MYH11: variants seen among roughly 807,000 people sequenced by gnomAD.
MYH11 encodes myosin heavy chain 11, also known as myosin-11.
MYH11 carries 80 observed loss-of-function variants against 246.6 expected under a neutral mutation model. The observed-to-expected ratio is 0.32, with a 90% CI of 0.27 to 0.39. MYH11 has a LOEUF of 0.39. Among genes scored for constraint, MYH11 ranks in the 10% least tolerant of loss-of-function variants. The pLI is 1.00. For synonymous variants in MYH11, 1,071 were observed against 1,015.5 expected (o/e 1.05, Z -1.04); for missense variants, 2,158 against 2,546.8 (o/e 0.85, Z 3.29).
chr16:15,796,239 A>G (rs1366796239), intron 4 of MYH11, among the ~76,000 whole-genome samples: 1 of 152,196 alleles, frequency 6.6e-6, no homozygotes, highest in African/African-American at 2.4e-5. Flanking sequence ...ACTTTTTAAG[A>G]GCTCAATTAA....
chr16:15,839,817 A>G (rs879468541), intron 1 of MYH11, among the ~76,000 whole-genome samples: 18 of 151,276 alleles, frequency 1.2e-4, no homozygotes, highest in Admixed American at 2.6e-4. Context: ...TGGGAGGCCA[A>G]GGCAGGGGGG....
rs768445617 is a variant in MYH11, at chr16:15,741,458, C to G, written c.2859+5G>C. ...CCACCACGGGCTGCCCCTGTGACAC[C>G]TTACCAGCATCTGCTGGGCCATCTT... On this transcript the variant is annotated splice_donor_5th_base_variant and intron_variant, in intron 22 of 40. Coordinates refer to ENST00000300036, the MANE Select transcript of MYH11 (RefSeq NM_002474.3). 1 of 1,607,054 alleles carries G rather than the reference C, an allele frequency of 6.2e-7. No homozygotes were observed. Among genetic ancestry groups the G allele is most frequent in the South Asian group, 1.1e-5 (1 of 91,086 alleles).
At chr16:15,832,666 G>C (rs1330437586) in intron 2 of MYH11, among the ~76,000 whole-genome samples, 1 of 152,192 alleles carries the variant, frequency 6.6e-6, no homozygotes, top group Admixed American at 6.5e-5. Context: ...CTAGCACCTA[G>C]TTAGGTGCTC....
chr16:15,835,031 C>T lies in MYH11; in HGVS notation c.345+2877G>A, dbSNP rs193275645. Among the ~76,000 whole-genome samples, 392 of 145,656 alleles carry T rather than the reference C, an allele frequency of 2.7e-3. 4 individuals carry two copies. Among genetic ancestry groups the T allele is most frequent in the Non-Finnish European group, 4.5e-3 (303 of 67,192 alleles). ...AGGACTTGGAAGCTGTACTGAGCTA[C>T]GATAGAACCACTGCACTCCAGCCTC... On this transcript the variant is annotated intron_variant, in intron 2 of 40. Transcript: ENST00000300036.
intron 6 of MYH11, 57 bp from the exon 7 acceptor site, chr16:15,778,900 A>C: frequency 1.3e-6 from 2 of 1,533,628 alleles, no homozygotes; most frequent in South Asian, 1.1e-5. Context: ...CGTTAACCCC[A>C]TGCTGTGGGC....
chr16:15,746,324 A>G (rs1176662791), intron 19 of MYH11, among the ~76,000 whole-genome samples: 1 of 152,112 alleles, frequency 6.6e-6, no homozygotes, highest in Non-Finnish European at 1.5e-5. Flanking sequence ...AGATTGAGAA[A>G]CGATAGAACA....
In MYH11 at chr16:15,748,103, A is replaced by T; in HGVS notation, c.2124T>A (p.Ile708=). Residue 708 remains isoleucine, a synonymous_variant, in exon 17 of 41, where the codon ATT becomes ATA. Transcript: ENST00000300036. ...TGGGGAAGCCCTGCCGGCAGATGCG[A>T]ATGCCTTCCAGCACCCCATTGCACC... ...QLRCNGVLEG[I]RICRQGFPNR... is the part of the protein sequence containing the mutation. The T allele has an allele frequency of 6.2e-7, 1 of 1,614,102 alleles. No individual in the cohort carries two copies. Among genetic ancestry groups the T allele is most frequent in the Middle Eastern group, 1.6e-4 (1 of 6,062 alleles).
chr16:15,714,358 G>C (rs1205172713), intron 40 of MYH11: 1 of 168,844 alleles, frequency 5.9e-6, no homozygotes, highest in Non-Finnish European at 1.3e-5. Flanking sequence ...TCACATTGCA[G>C]GGTGGTGGGG....
rs2043015403 is a variant in MYH11, at chr16:15,806,371, G to C, written c.503-7684C>G. On this transcript the variant is annotated intron_variant, in intron 3 of 40. Transcript: ENST00000300036. The stretch of plus-strand genomic sequence containing the variant: ...CCATTTATATGAAATGTCCAGAATA[G>C]GCAAATCCATAGAGACAGAAAGTAG... 2.0e-5 allele frequency among the ~76,000 whole-genome samples: 3 copies of C among 146,510 alleles called. No homozygotes were observed. In the South Asian group the frequency reaches 6.6e-4, roughly 32 times the overall value.
At chr16:15,752,639 G>C (rs999546365) in intron 15 of MYH11, among the ~76,000 whole-genome samples, 1 of 152,212 alleles carries the variant, frequency 6.6e-6, no homozygotes, top group Non-Finnish European at 1.5e-5. Flanking sequence ...AGCACTTTTT[G>C]AGGCTGAGGT....
At chr16:15,802,765 A>T (rs574398888) in intron 3 of MYH11, among the ~76,000 whole-genome samples, 2 of 152,196 alleles carry the variant, frequency 1.3e-5, no homozygotes, top group African/African-American at 4.8e-5. Context: ...TTTATTTAGA[A>T]TAAGGGTCTT....
At chr16:15,773,185 A>C (rs1001408473) in intron 8 of MYH11, among the ~76,000 whole-genome samples, 2 of 151,906 alleles carry the variant, frequency 1.3e-5, no homozygotes, top group Admixed American at 6.6e-5. Context: ...CAATCGCTGT[A>C]ATAGGCGATT....
chr16:15,845,515 G>A (rs188096819), intron 1 of MYH11, among the ~76,000 whole-genome samples: 1 of 152,252 alleles, frequency 6.6e-6, no homozygotes, highest in Non-Finnish European at 1.5e-5. Context: ...TACTACTGTT[G>A]GATGTTTTAA....
chr16:15,852,431 C>T (rs1167571222), intron 1 of MYH11, among the ~76,000 whole-genome samples: 1 of 150,236 alleles, frequency 6.7e-6, no homozygotes, highest in East Asian at 2.0e-4. Flanking sequence ...CTCTGAGGCT[C>T]AAGCGATTCT....
intron 9 of MYH11, among the ~76,000 whole-genome samples, chr16:15,768,982 C>T (rs552963439): frequency 2.6e-5 from 4 of 151,720 alleles, no homozygotes; most frequent in Non-Finnish European, 5.9e-5. Context: ...GAAGCCTTGT[C>T]TCTACCCACC....
At position 15,703,593 on chromosome 16, in the gene MYH11, G is replaced by A. The variant is rs1383621024; in HGVS notation, c.*398C>T. 2.9e-5 allele frequency: 11 copies of A among 378,322 alleles called. No homozygotes were observed. Among genetic ancestry groups the A allele is most frequent in the Non-Finnish European group, 5.0e-5 (10 of 201,106 alleles). 23.4% of individuals were successfully genotyped at this position (378,322 alleles called of 1,614,324 possible). A position where few individuals can be genotyped will look rare whatever the true frequency, so the allele number is the denominator to read the frequency against. ...CTTGAATACAGGGGTAGTAGGGGTG[G>A]TGGTGGTGGTGGTGGTTGAGACAGG... On this transcript the variant is annotated 3_prime_UTR_variant, in exon 41 of 41. Transcript: ENST00000300036.
chr16:15,782,606 G>T, intron 5 of MYH11, 129 bp from the exon 6 acceptor site: 1 of 708,780 alleles, frequency 1.4e-6, no homozygotes, highest in Non-Finnish European at 2.5e-6. Context: ...CCTCCTCTTA[G>T]ACCCTGATGC....
chr16:15,801,435 C>G (rs2042882423), intron 3 of MYH11, among the ~76,000 whole-genome samples: 1 of 152,042 alleles, frequency 6.6e-6, no homozygotes, highest in Non-Finnish European at 1.5e-5. Context: ...ATGGGAGGAT[C>G]ACTTGAGGCC....
intron 9 of MYH11, among the ~76,000 whole-genome samples, chr16:15,769,505 T>C (rs111828403): frequency 7.3e-5 from 11 of 151,670 alleles, no homozygotes; most frequent in African/African-American, 2.4e-4. Flanking sequence ...CTCGGCTCAC[T>C]GCAGCTTCGA....
Sources: gnomAD v4.1 joint callset for allele counts (sites outside exome capture counted in the v4.1 genomes callset) on GRCh38, gnomAD v4.1.1 for gene constraint, MANE v1.5 for transcripts, NCBI Gene and HGNC (gene_info 2026-07-23, HGNC 2026-07-21) for gene names.